Variants in SNTG1 observed in about 807,000 individuals in gnomAD.
SNTG1 encodes syntrophin gamma 1, also known as gamma-1-syntrophin.
A neutral mutation model predicts 74.7 loss-of-function variants in SNTG1; 39 were observed. The ratio of observed to expected loss-of-function variants is 0.52; its 90% CI spans 0.40 to 0.68. SNTG1 has a LOEUF of 0.68. Ranked by LOEUF, SNTG1 falls within the 30% of genes least tolerant of loss-of-function variation. The pLI is 0.00. For missense variants in SNTG1, 685 were observed against 609.5 expected, an observed-to-expected ratio of 1.12 and a Z score of -1.30; for synonymous variants, 254 against 217.1, an observed-to-expected ratio of 1.17 and a Z score of -1.49.
chr8:50,344,363 T>C (rs1325378690), intron 2 of SNTG1, among the ~76,000 whole-genome samples: 1 of 152,168 alleles, frequency 6.6e-6, no homozygotes. Context: ...ATAGCTTGTT[T>C]CTGCTCCATG....
At position 50,449,681 on chromosome 8, in the gene SNTG1, A is replaced by G. The variant is rs200424335; in HGVS notation, c.233A>G (p.His78Arg). The G allele has an allele frequency of 1.9e-6, 3 of 1,599,246 alleles. No individual in the cohort carries two copies. Among genetic ancestry groups the G allele is most frequent in the East Asian group, 2.2e-5 (1 of 44,480 alleles). ...FGLSIKGGAE[H>R]NIPVVVSKIS... ...TTCTCTTTTCAGGGAGGAGCAGAACATAACATTCCAGTTGTCGTTTCAAAA... is the reference window on the plus strand; with the variant it reads ...TTCTCTTTTCAGGGAGGAGCAGAACGTAACATTCCAGTTGTCGTTTCAAAA... Residue 78 changes from histidine (H) to arginine (R), a missense_variant, in exon 6 of 19, where the codon CAT becomes CGT. By Grantham distance (29) the His-to-Arg change is conservative. Coordinates refer to ENST00000642720, the MANE Select transcript of SNTG1 (RefSeq NM_018967.5).
intron 1 of SNTG1, among the ~76,000 whole-genome samples, chr8:50,138,815 A>C (rs930069071): frequency 6.6e-6 from 1 of 151,994 alleles, no homozygotes; most frequent in African/African-American, 2.4e-5. Flanking sequence ...AAGATATTGA[A>C]ATTCATAAAA....
chr8:50,614,193 A>C (rs994109140), intron 13 of SNTG1, among the ~76,000 whole-genome samples: 1 of 152,162 alleles, frequency 6.6e-6, no homozygotes, highest in Non-Finnish European at 1.5e-5. Flanking sequence ...ATTACAAAGG[A>C]ATAAGAAAAA....
chr8:50,476,780 C>T (rs1488692174), intron 8 of SNTG1, among the ~76,000 whole-genome samples: 2 of 151,600 alleles, frequency 1.3e-5, no homozygotes, highest in Non-Finnish European at 2.9e-5. Context: ...GTATCTAATA[C>T]TTTTCTCCAG....
chr8:50,471,345 T>A (rs944712397), intron 8 of SNTG1, among the ~76,000 whole-genome samples: 21 of 152,100 alleles, frequency 1.4e-4, no homozygotes, highest in African/African-American at 5.1e-4. Flanking sequence ...ACTTATAGTC[T>A]ATGTAAATTA....
At chr8:50,251,484 G>A (rs564069933) in intron 2 of SNTG1, among the ~76,000 whole-genome samples, 2 of 151,870 alleles carry the variant, frequency 1.3e-5, no homozygotes, top group Non-Finnish European at 2.9e-5. Flanking sequence ...TATAACAGAT[G>A]CACTTCACTG....
chr8:50,467,280 C>T (rs1216969711), intron 8 of SNTG1, among the ~76,000 whole-genome samples: 2 of 151,816 alleles, frequency 1.3e-5, no homozygotes, highest in East Asian at 3.8e-4. Context: ...AATTTACTAA[C>T]GAAACTCTAG....
intron 2 of SNTG1, among the ~76,000 whole-genome samples, chr8:50,369,777 G>C (rs2092223740): frequency 6.6e-6 from 1 of 152,044 alleles, no homozygotes; most frequent in Non-Finnish European, 1.5e-5. Flanking sequence ...ATACATTTTT[G>C]TTGTTTTCTT....
intron 12 of SNTG1, among the ~76,000 whole-genome samples, chr8:50,573,500 T>C (rs182371106): frequency 1.3e-3 from 197 of 152,054 alleles, no homozygotes; most frequent in African/African-American, 4.5e-3. Context: ...AAGAAAAAAA[T>C]GTGCATATAT....
intron 2 of SNTG1, among the ~76,000 whole-genome samples, chr8:50,316,074 A>G (rs1463734302): frequency 6.6e-6 from 1 of 152,178 alleles, no homozygotes; most frequent in Non-Finnish European, 1.5e-5. Flanking sequence ...GTGACATGGT[A>G]ATTTAATTAA....
At chr8:50,224,807 A>G (rs2085246345) in intron 2 of SNTG1, among the ~76,000 whole-genome samples, 1 of 152,118 alleles carries the variant, frequency 6.6e-6, no homozygotes, top group Admixed American at 6.5e-5. Flanking sequence ...AAATGCCAAC[A>G]TGACAGATAG....
chr8:50,363,956 C>T (rs920950626), intron 2 of SNTG1, among the ~76,000 whole-genome samples: 5 of 152,256 alleles, frequency 3.3e-5, no homozygotes, highest in Admixed American at 1.3e-4. Flanking sequence ...CAGAGATACA[C>T]GCCTCAGGCA....
chr8:50,281,789 A>G (rs559857679), intron 2 of SNTG1, among the ~76,000 whole-genome samples: 1 of 152,366 alleles, frequency 6.6e-6, no homozygotes, highest in South Asian at 2.1e-4. Context: ...TAGTCTCACT[A>G]AACTTCGAGT....
intron 13 of SNTG1, among the ~76,000 whole-genome samples, chr8:50,617,075 C>A (rs1378037559): frequency 6.6e-6 from 1 of 152,166 alleles, no homozygotes; most frequent in Non-Finnish European, 1.5e-5. Flanking sequence ...GATACTGTAT[C>A]TGAGATATCA....
intron 11 of SNTG1, among the ~76,000 whole-genome samples, chr8:50,542,241 C>T (rs1487758599): frequency 6.6e-6 from 1 of 150,486 alleles, no homozygotes; most frequent in Non-Finnish European, 1.5e-5. Context: ...ACTGCAACCT[C>T]CACCCCCGGG....
intron 18 of SNTG1, among the ~76,000 whole-genome samples, chr8:50,785,255 G>A (rs539761772): frequency 9.0e-4 from 137 of 151,846 alleles, no homozygotes; most frequent in African/African-American, 2.8e-3. Flanking sequence ...CTCAAATTTA[G>A]TTTTTTAAAA....
intron 8 of SNTG1, among the ~76,000 whole-genome samples, chr8:50,456,054 A>C (rs993833955): frequency 6.6e-6 from 1 of 152,212 alleles, no homozygotes; most frequent in Non-Finnish European, 1.5e-5. Context: ...TGCTGTCTAC[A>C]CTATGTCTGC....
At position 50,656,896 on chromosome 8, in the gene SNTG1, C is replaced by A. The variant is rs761378484; in HGVS notation, c.850-13C>A. On this transcript the variant is annotated splice_polypyrimidine_tract_variant and intron_variant, in intron 13 of 18. Transcript: ENST00000642720. ...GAAGTTTTGACAGTTGATTGTATTCCATTTTCTTGCAGATTGTCTACATGG... is the reference window on the plus strand; with the variant it reads ...GAAGTTTTGACAGTTGATTGTATTCAATTTTCTTGCAGATTGTCTACATGG... The A allele has an allele frequency of 6.4e-7, 1 of 1,568,832 alleles. No homozygotes were observed.
intron 17 of SNTG1, among the ~76,000 whole-genome samples, chr8:50,726,297 C>T (rs931475187): frequency 6.6e-6 from 1 of 152,104 alleles, no homozygotes; most frequent in African/African-American, 2.4e-5. Context: ...TGCTATGGAG[C>T]AGTTAGTAAG....
Sources: allele counts gnomAD v4.1 joint callset (sites outside exome capture counted in the v4.1 genomes callset), GRCh38; gene constraint gnomAD v4.1.1; transcripts MANE v1.5; gene names NCBI Gene and HGNC (gene_info 2026-07-23, HGNC 2026-07-21).